Variants in ADGRL2 observed in about 807,000 individuals in gnomAD.
The protein encoded by ADGRL2 is adhesion G protein-coupled receptor L2.
Under a neutral mutation model 157.4 loss-of-function variants are expected in ADGRL2, and 44 were observed. The ratio of observed to expected loss-of-function variants is 0.28; its 90% CI spans 0.22 to 0.36. The LOEUF (loss-of-function observed/expected upper bound fraction) is 0.36. ADGRL2 is among the 10% of genes least tolerant of loss of function. The pLI is 1.00. For missense variants in ADGRL2, 1,510 were observed against 1,768.9 expected, an observed-to-expected ratio of 0.85 and a Z score of 2.63; for synonymous variants, 585 against 624.7, an observed-to-expected ratio of 0.94 and a Z score of 0.95.
Position 81,456,931 on chromosome 1 carries a change from ATTC to A in ADGRL2, c.-248+11847_-248+11849del, listed in dbSNP as rs1302428023. Among the ~76,000 whole-genome samples the A allele has an allele frequency of 4.0e-5, 6 of 151,342 alleles. No individual in the cohort carries two copies. The South Asian group carries it at 8.3e-4, about 21-fold the overall frequency. The stretch of plus-strand genomic sequence containing the variant: ...CCTAAGCTTCTACTTTATTTTCATG[ATTC>A]TTCTCCCTTCCTCTCTTCTTCTCTT... On this transcript the variant is annotated intron_variant, in intron 2 of 24. Coordinates refer to the ADGRL2 transcript ENST00000370721.
intron 1 of ADGRL2, among the ~76,000 whole-genome samples, chr1:81,810,233 A>G (rs1431881387): frequency 6.6e-6 from 1 of 151,962 alleles, no homozygotes; most frequent in Non-Finnish European, 1.5e-5. Flanking sequence ...TGGGCAAACC[A>G]TTACAAGATT....
At chr1:81,349,417 G>A (rs1192135818) in intron 1 of ADGRL2, among the ~76,000 whole-genome samples, 1 of 152,106 alleles carries the variant, frequency 6.6e-6, no homozygotes, top group Non-Finnish European at 1.5e-5. Context: ...TAACCTGGGA[G>A]CCAGTAAACC....
intron 1 of ADGRL2, among the ~76,000 whole-genome samples, chr1:81,404,611 A>C (rs2076820865): frequency 6.6e-6 from 1 of 152,222 alleles, no homozygotes; most frequent in Admixed American, 6.5e-5. Context: ...AAAGCAATGA[A>C]TAAAATGCTT....
chr1:81,890,128 A>G (rs1421646539), intron 2 of ADGRL2, among the ~76,000 whole-genome samples: 1 of 152,152 alleles, frequency 6.6e-6, no homozygotes, highest in African/African-American at 2.4e-5. Flanking sequence ...GATATAGTTT[A>G]TGCTGTGTCT....
Position 81,966,078 on chromosome 1 carries a change from A to G in ADGRL2, c.2038A>G (p.Ser680Gly). The change falls in exon 12 of 24, where the codon AGT (serine) becomes GGT (glycine). Residue 680 changes from serine to glycine, a missense_variant. Physicochemically the swap from Ser to Gly is moderately conservative, Grantham distance 56 (BLOSUM62 0). Around this residue, in one of 4 missense-constraint regions of ADGRL2, gnomAD observed 325 missense variants for 333.2 expected, o/e 0.98. Coordinates refer to ENST00000686636, the MANE Select transcript of ADGRL2 (RefSeq NM_001366006.2). The part of the protein sequence containing the change: ...ENIVLEVAVL[S>G]TEGQIQDFKF... Reference sequence around the variant, plus strand: ...TCCAGTCCTGGAAGTTGCCGTACTCAGTACAGAAGGACAGATCCAAGACTT... The same window carrying G: ...TCCAGTCCTGGAAGTTGCCGTACTCGGTACAGAAGGACAGATCCAAGACTT... The G allele has an allele frequency of 6.2e-7, 1 of 1,614,020 alleles. No individual in the cohort carries two copies. Among genetic ancestry groups the G allele is most frequent in the Non-Finnish European group, 8.5e-7 (1 of 1,179,934 alleles).
At chr1:81,570,243 A>T (rs1260426463) in intron 2 of ADGRL2, among the ~76,000 whole-genome samples, 4 of 152,190 alleles carry the variant, frequency 2.6e-5, no homozygotes, top group Non-Finnish European at 5.9e-5. Context: ...TCCCAGCACA[A>T]AATATATTAT....
At chr1:81,944,238 G>A (rs1211582388) in intron 6 of ADGRL2, among the ~76,000 whole-genome samples, 1 of 152,030 alleles carries the variant, frequency 6.6e-6, no homozygotes, top group East Asian at 1.9e-4. Context: ...GTAGGAGAGG[G>A]AGCCATCCAA....
upstream of ADGRL2, chr1:81,800,366 C>G (rs888853850): frequency 2.0e-5 from 3 of 152,156 alleles, no homozygotes; most frequent in African/African-American, 7.2e-5. Context: ...TGGAGCGTCC[C>G]CCGCGCGCCG....
chr1:81,938,668 A>T (rs1056388251), intron 4 of ADGRL2, among the ~76,000 whole-genome samples: 1 of 151,588 alleles, frequency 6.6e-6, no homozygotes, highest in South Asian at 2.1e-4. Context: ...GTTTTTTTTA[A>T]TCACTCTTTG....
At chr1:81,497,448 ATG>A (rs373505313) in intron 2 of ADGRL2, among the ~76,000 whole-genome samples, 26 of 152,156 alleles carry the variant, frequency 1.7e-4, no homozygotes, top group African/African-American at 6.3e-4. Flanking sequence ...TCATTCAAGG[ATG>A]TCTTTACACA....
At chr1:81,357,145 T>A (rs1374052085) in intron 1 of ADGRL2, among the ~76,000 whole-genome samples, 1 of 152,088 alleles carries the variant, frequency 6.6e-6, no homozygotes, top group African/African-American at 2.4e-5. Context: ...GGGTCGCTCC[T>A]CCTCTTCCTC....
At chr1:81,515,443 A>AG (rs1258033134) in intron 2 of ADGRL2, among the ~76,000 whole-genome samples, 8 of 120,032 alleles carry the variant, frequency 6.7e-5, no homozygotes, top group African/African-American at 3.3e-4. Context: ...CAGGAACCTC[A>AG]GAAAAAAAAA....
intron 11 of ADGRL2, among the ~76,000 whole-genome samples, chr1:81,960,701 C>T (rs958297513): frequency 3.9e-5 from 6 of 152,154 alleles, no homozygotes; most frequent in Admixed American, 2.6e-4. Flanking sequence ...TCTTGAATTC[C>T]TGATCAGGTG....
chr1:81,344,228 C>A lies in ADGRL2; in HGVS notation c.-302+37719C>A, dbSNP rs554675641. Among the ~76,000 whole-genome samples, 3 of 152,088 alleles carry A rather than the reference C, an allele frequency of 2.0e-5. No individual in the cohort carries two copies. The South Asian group carries it at 6.2e-4, about 32-fold the overall frequency. On this transcript the variant is annotated intron_variant, in intron 1 of 24. Transcript: ENST00000370721. ...GGATTACAGGCGCAACGTCACCACG[C>A]CCTAATTCGATGTTCTATGATAGCA... is the stretch of plus-strand genomic sequence containing the variant.
chr1:81,938,230 G>A (rs1010875581), intron 4 of ADGRL2, among the ~76,000 whole-genome samples: 2 of 151,576 alleles, frequency 1.3e-5, no homozygotes, highest in African/African-American at 4.8e-5. Context: ...CCAAAATTTT[G>A]TTCCATAAAG....
At chr1:81,747,417 C>T (rs1431341790) in intron 1 of ADGRL2, among the ~76,000 whole-genome samples, 1 of 151,586 alleles carries the variant, frequency 6.6e-6, no homozygotes, top group Non-Finnish European at 1.5e-5. Flanking sequence ...TCTCCTGTCT[C>T]AGCCTCCCAA....
chr1:81,936,901 A>G (rs2095318633), intron 4 of ADGRL2, 64 bp downstream of exon 4: 1 of 967,772 alleles, frequency 1.0e-6, no homozygotes, highest in Admixed American at 1.7e-5. Flanking sequence ...CTGAAAGACT[A>G]CACATGTGAA....
chr1:81,453,043 T>G (rs1036385463), intron 2 of ADGRL2, among the ~76,000 whole-genome samples: 3 of 152,192 alleles, frequency 2.0e-5, no homozygotes, highest in South Asian at 2.1e-4. Flanking sequence ...AATGGTTCAT[T>G]TGCTTTGGGA....
intron 2 of ADGRL2, among the ~76,000 whole-genome samples, chr1:81,523,020 G>T (rs1327385806): frequency 1.3e-5 from 2 of 151,106 alleles, no homozygotes; most frequent in East Asian, 3.9e-4. Flanking sequence ...TAAAGATATG[G>T]CTTCTCAATG....
Sources: allele counts gnomAD v4.1 joint callset (sites outside exome capture counted in the v4.1 genomes callset), GRCh38; gene constraint gnomAD v4.1.1; regional missense constraint gnomAD v4.1.1; transcripts MANE v1.5; gene names NCBI Gene and HGNC (gene_info 2026-07-23, HGNC 2026-07-21).